Variants in KANSL3 observed in about 807,000 individuals in gnomAD.
KANSL3 encodes the protein NSL complex protein NSL3.
A neutral mutation model predicts 89.2 loss-of-function variants in KANSL3; 16 were observed. The ratio of observed to expected loss-of-function variants is 0.18; its 90% confidence interval spans 0.12 to 0.27. KANSL3 has a LOEUF of 0.27. Ranked by LOEUF, KANSL3 falls within the 10% of genes least tolerant of loss-of-function variation. The pLI, the probability that KANSL3 is intolerant of heterozygous loss-of-function variation, is 1.00. For synonymous variants in KANSL3, 385 were observed against 419.7 expected, an observed-to-expected ratio of 0.92 and a Z score of 1.01; for missense variants, 879 against 1,110.6, an observed-to-expected ratio of 0.79 and a Z score of 2.96.
At chr2:96,584,731 G>GTA in the KANSL3 span, among the ~76,000 whole-genome samples, 158 of 152,076 alleles carry the variant, frequency 1.0e-3, 1 homozygote, top group Non-Finnish European at 1.1e-3. Flanking sequence ...ATTTCATTGT[G>GTA]TATATATATA....
chr2:96,632,657 G>A (rs1246337745), intron 2 of KANSL3, among the ~76,000 whole-genome samples: 2 of 152,130 alleles, frequency 1.3e-5, no homozygotes, highest in East Asian at 3.8e-4. Flanking sequence ...CAGTACAAAT[G>A]GAGAAAAGTG....
intron 14 of KANSL3, chr2:96,606,921 T>C: frequency 9.6e-7 from 1 of 1,047,092 alleles, no homozygotes; most frequent in South Asian, 1.3e-5. Context: ...AATAAGGGGT[T>C]GAGGAGCAGA....
At chr2:96,615,165 C>CAAAAAAAAAAAAAAAAAAAAAAAAAA (rs35960339) in intron 5 of KANSL3, 4 of 83,010 alleles carry the variant, frequency 4.8e-5, no homozygotes, top group Admixed American at 2.9e-4. Context: ...GAGACTGTCT[C>CAAAAAAAAAAAAAAAAAAAAAAAAAA]AAAAAAAAAA....
At chr2:96,597,988 C>T (rs780099083) in intron 20 of KANSL3, 33 of 450,564 alleles carry the variant, frequency 7.3e-5, no homozygotes, top group Admixed American at 4.5e-4. Context: ...TGTGCTTCAA[C>T]TGAGCTCCAG....
intron 5 of KANSL3, among the ~76,000 whole-genome samples, chr2:96,614,778 G>GAAAAAAAAAAAAAAAAAAAAAA (rs1434133052): frequency 1.5e-5 from 1 of 67,074 alleles, no homozygotes; most frequent in South Asian, 4.9e-4. Context: ...TCAAAAAAAA[G>GAAAAAAAAAAAAAAAAAAAAAA]AAAAAAAAAA....
intron 20 of KANSL3, chr2:96,600,645 A>AC (rs749463692): frequency 2.9e-5 from 29 of 985,326 alleles, no homozygotes; most frequent in Non-Finnish European, 3.4e-5. Flanking sequence ...GAAGGAAAGC[A>AC]CACTCAGTAC....
At chr2:96,590,425 C>T (rs570142405), downstream of KANSL3, among the ~76,000 whole-genome samples, 4 of 151,744 alleles carry the variant, frequency 2.6e-5, no homozygotes, top group Admixed American at 6.6e-5. Context: ...CCCAAGTAGC[C>T]GGGACTACAG....
intron 11 of KANSL3, 55 bp downstream of exon 11, chr2:96,610,671 C>G (rs1241499134): frequency 1.3e-5 from 21 of 1,590,764 alleles, no homozygotes; most frequent in Middle Eastern, 2.1e-4. Flanking sequence ...AGCTTCCAGG[C>G]TTATCTCTAA....
At position 96,593,629 on chromosome 2, in the gene KANSL3, T is replaced by A. The variant is rs1305564386; in HGVS notation, c.*1982A>T. ...GGACAGATCACACCTCAGGAAGTCA[T>A]CCCTTGTAAGCACACTAGAATTTAT... On this transcript the variant is annotated 3_prime_UTR_variant, in exon 21 of 21. Transcript: ENST00000431828. The A allele has an allele frequency of 1.5e-5, 4 of 259,110 alleles. No homozygotes were observed. Among genetic ancestry groups the A allele is most frequent in the Non-Finnish European group, 3.1e-5 (4 of 128,312 alleles). The allele number at this position is 259,110 out of a possible 1,614,324, so 16.1% of individuals were successfully genotyped here.
chr2:96,593,972 A>G lies in KANSL3; in HGVS notation c.*1639T>C, dbSNP rs1365564741. ...CAAAAACACAGCCTAATTCTGTGTGAATCCCTGTTGAGATCAGCTTTTCAG... is the reference window on the plus strand; with the variant it reads ...CAAAAACACAGCCTAATTCTGTGTGGATCCCTGTTGAGATCAGCTTTTCAG... On this transcript the variant is annotated 3_prime_UTR_variant, in exon 21 of 21. Coordinates refer to ENST00000431828, the MANE Select transcript of KANSL3 (RefSeq NM_001115016.3). 1 of 152,430 alleles carries G rather than the reference A, an allele frequency of 6.6e-6. No homozygotes were observed. The highest frequency in any genetic ancestry group is 1.5e-5 in the Non-Finnish European group (1 of 68,220). The allele number at this position is 152,430 out of a possible 1,614,324, so 9.4% of individuals were successfully genotyped here. A position where few individuals can be genotyped will look rare whatever the true frequency, so the allele number is the denominator to read the frequency against.
At chr2:96,631,201 ACT>A (rs1429597237) in intron 3 of KANSL3, 109 bp downstream of exon 3, 9 of 778,558 alleles carry the variant, frequency 1.2e-5, no homozygotes, top group Non-Finnish European at 1.7e-5. Context: ...TTTGGAGAAC[ACT>A]CTGACTTGTG....
the KANSL3 span, among the ~76,000 whole-genome samples, chr2:96,587,717 T>C: frequency 3.3e-5 from 5 of 152,108 alleles, no homozygotes; most frequent in Non-Finnish European, 5.9e-5. Context: ...ATATTAGAAC[T>C]GTCTAACAAG....
At chr2:96,597,813 A>G (rs2066681224) in intron 20 of KANSL3, among the ~76,000 whole-genome samples, 1 of 152,004 alleles carries the variant, frequency 6.6e-6, no homozygotes, top group Non-Finnish European at 1.5e-5. Flanking sequence ...ATTTTGGTCA[A>G]GATGGTTTCG....
At chr2:96,626,672 A>G (rs962725091) in intron 3 of KANSL3, among the ~76,000 whole-genome samples, 5 of 152,204 alleles carry the variant, frequency 3.3e-5, no homozygotes, top group Non-Finnish European at 4.4e-5. Flanking sequence ...TATGCAACTA[A>G]TGAAACTTCA....
rs2067289629 is a variant in KANSL3, at chr2:96,602,278, T to C, written c.2320A>G (p.Ser774Gly). ...QSLGAITTGT[S>G]TIVRTIPVAT... ...ACAGGAATGGTACGGACAATGGTGC[T>C]GGTGCCCGTGGTGATGGCACCCAGG... is the stretch of plus-strand genomic sequence containing the variant. The change falls in exon 19 of 21, where the codon AGC becomes GGC. Residue 774 changes from serine to glycine, a missense_variant. Around this residue, in one of 6 missense-constraint regions of KANSL3, gnomAD observed 89 missense variants for 139.7 expected, o/e 0.64. Coordinates refer to ENST00000431828, the MANE Select transcript of KANSL3 (RefSeq NM_001115016.3). The C allele has an allele frequency of 6.2e-7, 1 of 1,612,520 alleles. No homozygotes were observed. The highest frequency in any genetic ancestry group is 8.5e-7 in the Non-Finnish European group (1 of 1,179,414).
chr2:96,613,644 G>T lies in KANSL3; in HGVS notation c.664-25C>A. On this transcript the variant is annotated intron_variant, in intron 5 of 20. Coordinates refer to ENST00000431828, the MANE Select transcript of KANSL3 (RefSeq NM_001115016.3). ...TCTACAAAGAAGAAAGAGCAAAGAT[G>T]ACTCCAGTGTAAAGCAGGAGACCTT... The T allele has an allele frequency of 1.9e-6, 3 of 1,607,526 alleles. No homozygotes were observed. The South Asian group carries it at 3.3e-5, about 18-fold the overall frequency.
At chr2:96,621,971 G>A (rs1047929661) in intron 3 of KANSL3, among the ~76,000 whole-genome samples, 12 of 151,860 alleles carry the variant, frequency 7.9e-5, no homozygotes, top group Admixed American at 2.0e-4. Flanking sequence ...AAACTTAGCC[G>A]GGTGTGGTGG....
chr2:96,583,498 T>C, the KANSL3 span, among the ~76,000 whole-genome samples: 1 of 152,246 alleles, frequency 6.6e-6, no homozygotes, highest in African/African-American at 2.4e-5. Flanking sequence ...AATTTGGATT[T>C]CCTATCAGTG....
At chr2:96,590,899 T>C (rs2066265909), downstream of KANSL3, among the ~76,000 whole-genome samples, 1 of 152,080 alleles carries the variant, frequency 6.6e-6, no homozygotes, top group South Asian at 2.1e-4. Flanking sequence ...GGCAGGGGAA[T>C]TGCTTGAACC....
Sources: gnomAD v4.1 joint callset for allele counts (sites outside exome capture counted in the v4.1 genomes callset) on GRCh38, gnomAD v4.1.1 for gene constraint, gnomAD v4.1.1 regional missense constraint, MANE v1.5 for transcripts, NCBI Gene and HGNC (gene_info 2026-07-23, HGNC 2026-07-21) for gene names.